Variants in TENM4 observed in about 807,000 individuals in gnomAD.
TENM4 encodes teneurin-4.
Under a neutral mutation model 243.3 loss-of-function variants are expected in TENM4, and 82 were observed. The observed-to-expected ratio is 0.34, with a 90% confidence interval of 0.28 to 0.40. TENM4 has a LOEUF of 0.40. Ranked by LOEUF, TENM4 falls within the 10% of genes least tolerant of loss-of-function variation. The pLI is 1.00. For synonymous variants in TENM4, 1,412 were observed against 1,456.3 expected (o/e 0.97, Z 0.69); for missense variants, 3,138 against 3,673.3 (o/e 0.85, Z 3.77).
At chr11:78,865,107 GGTTA>G (rs1858936373) in intron 9 of TENM4, among the ~76,000 whole-genome samples, 1 of 152,050 alleles carries the variant, frequency 6.6e-6, no homozygotes, top group African/African-American at 2.4e-5. Flanking sequence ...AGGCTCAGAA[GGTTA>G]ATTAAAATTA....
intron 6 of TENM4, among the ~76,000 whole-genome samples, chr11:78,991,369 C>T (rs1462251652): frequency 6.6e-6 from 1 of 151,958 alleles, no homozygotes; most frequent in Non-Finnish European, 1.5e-5. Context: ...AGGTAGGTTA[C>T]TCGAAGGTCT....
chr11:79,299,327 T>G (rs1202155636), intron 1 of TENM4, among the ~76,000 whole-genome samples: 1 of 152,012 alleles, frequency 6.6e-6, no homozygotes, highest in Non-Finnish European at 1.5e-5. Flanking sequence ...GTCACACAGC[T>G]AGTAACTGAA....
chr11:79,411,515 T>A (rs769874567), intron 1 of TENM4, among the ~76,000 whole-genome samples: 5 of 152,200 alleles, frequency 3.3e-5, no homozygotes, highest in Non-Finnish European at 7.3e-5. Flanking sequence ...AAGCCTATGC[T>A]GCACTTAGGC....
chr11:78,997,794 C>T (rs889101758), intron 6 of TENM4, among the ~76,000 whole-genome samples: 3 of 152,150 alleles, frequency 2.0e-5, no homozygotes, highest in African/African-American at 7.2e-5. Context: ...CATGTTGAAG[C>T]CCTACCCATG....
At chr11:79,170,355 G>A (rs181754458) in intron 3 of TENM4, among the ~76,000 whole-genome samples, 86 of 152,266 alleles carry the variant, frequency 5.6e-4, no homozygotes, top group African/African-American at 2.0e-3. Flanking sequence ...CAATAACAGA[G>A]ACTTTCCATA....
intron 3 of TENM4, among the ~76,000 whole-genome samples, chr11:79,164,957 ATGTGTGTGTGTGTGTGTGTG>A (rs369197845): frequency 1.4e-5 from 2 of 139,858 alleles, no homozygotes; most frequent in Non-Finnish European, 3.1e-5. Context: ...CTATATATAT[ATGTGTGTGTGTGTGTGTGTG>A]TGTGTGTGTG....
At chr11:78,928,867 T>C (rs1179854683) in intron 6 of TENM4, among the ~76,000 whole-genome samples, 1 of 152,190 alleles carries the variant, frequency 6.6e-6, no homozygotes, top group Non-Finnish European at 1.5e-5. Context: ...TAAAAGGGAG[T>C]TAATGGCTAC....
At chr11:78,728,991 C>CAG (rs535866603) in intron 22 of TENM4, among the ~76,000 whole-genome samples, 1 of 147,646 alleles carries the variant, frequency 6.8e-6, no homozygotes, top group African/African-American at 2.5e-5. Context: ...TACTGCACCT[C>CAG]AAAAAAAAAA....
At chr11:78,831,751 C>T (rs1156945179) in intron 12 of TENM4, among the ~76,000 whole-genome samples, 2 of 152,162 alleles carry the variant, frequency 1.3e-5, no homozygotes, top group East Asian at 3.9e-4. Context: ...GAGCTGAAGG[C>T]TCAAAGCAGC....
chr11:79,208,981 A>G (rs1485206685), intron 3 of TENM4, among the ~76,000 whole-genome samples: 1 of 152,058 alleles, frequency 6.6e-6, no homozygotes, highest in Non-Finnish European at 1.5e-5. Flanking sequence ...TCGGGCCACT[A>G]CCTCAGTGGC....
chr11:79,440,317 T>C lies in TENM4; in HGVS notation c.-321+192A>G, dbSNP rs1274889136. Among the ~76,000 whole-genome samples, 1 of 151,454 alleles carries C rather than the reference T, an allele frequency of 6.6e-6. No homozygotes were observed. Among genetic ancestry groups the C allele is most frequent in the Non-Finnish European group, 1.5e-5 (1 of 67,840 alleles). On this transcript the variant is annotated intron_variant, in intron 1 of 33. Coordinates refer to ENST00000278550, the MANE Select transcript of TENM4 (RefSeq NM_001098816.3). This position sits in a 1 kb window ranked among gnomAD's most constrained non-coding sequence, Gnocchi z 4.7. ...GCTCCAGGCTCCAGAACAGCTTGCC[T>C]CTTCGGCCACCCGCGCCCTAGCCTC...
At chr11:78,797,427 C>G (rs1270068491) in intron 15 of TENM4, among the ~76,000 whole-genome samples, 1 of 152,182 alleles carries the variant, frequency 6.6e-6, no homozygotes, top group African/African-American at 2.4e-5. Flanking sequence ...TCAGCTTGGG[C>G]ATCCAAATAG....
chr11:78,776,053 T>C (rs1378126077), intron 17 of TENM4, among the ~76,000 whole-genome samples: 1 of 152,154 alleles, frequency 6.6e-6, no homozygotes, highest in Non-Finnish European at 1.5e-5. Flanking sequence ...TCTTGTACTT[T>C]TTTTCTCTCT....
intron 4 of TENM4, among the ~76,000 whole-genome samples, chr11:79,085,684 T>A (rs1860794999): frequency 6.6e-6 from 1 of 152,148 alleles, no homozygotes; most frequent in African/African-American, 2.4e-5. Context: ...CCTGATTCAG[T>A]CCTCACTCAC....
chr11:78,686,585 C>G (rs1341626625), intron 29 of TENM4, among the ~76,000 whole-genome samples: 1 of 152,068 alleles, frequency 6.6e-6, no homozygotes, highest in Non-Finnish European at 1.5e-5. Context: ...GAGCCCTCAA[C>G]CGGTGGGATT....
At chr11:79,347,706 A>G (rs1204246928) in intron 1 of TENM4, among the ~76,000 whole-genome samples, 3 of 151,608 alleles carry the variant, frequency 2.0e-5, no homozygotes, top group Non-Finnish European at 4.4e-5. Flanking sequence ...AAAAACAGGA[A>G]CATGCAGCTG....
At position 78,840,228 on chromosome 11, in the gene TENM4, G is replaced by A. The variant is rs190985190; in HGVS notation, c.1681+13876C>T. Among the ~76,000 whole-genome samples, 588 of 152,236 alleles carry A rather than the reference G, an allele frequency of 3.9e-3. 1 individual carries two copies. Among genetic ancestry groups the A allele is most frequent in the African/African-American group, 0.014 (564 of 41,538 alleles). On this transcript the variant is annotated intron_variant, in intron 12 of 33. Coordinates refer to ENST00000278550, the MANE Select transcript of TENM4 (RefSeq NM_001098816.3). ...AAACTCTATTTGTGGAAAACATCACGTTAGCCTTCTGCTTTAGGTCACAGG... is the reference window on the plus strand; with the variant it reads ...AAACTCTATTTGTGGAAAACATCACATTAGCCTTCTGCTTTAGGTCACAGG...
At chr11:79,254,083 G>A (rs1054227785) in intron 2 of TENM4, among the ~76,000 whole-genome samples, 2 of 152,160 alleles carry the variant, frequency 1.3e-5, no homozygotes, top group African/African-American at 4.8e-5. Flanking sequence ...GTCGATGGGA[G>A]TGTCCACTGG....
chr11:78,893,835 A>C (rs754259338), intron 7 of TENM4, among the ~76,000 whole-genome samples: 2 of 122,626 alleles, frequency 1.6e-5, no homozygotes, highest in Non-Finnish European at 3.4e-5. Context: ...CTGATGAAAA[A>C]TAAAGCAATA....
Sources: gnomAD v4.1 joint callset for allele counts (sites outside exome capture counted in the v4.1 genomes callset) on GRCh38, gnomAD v4.1.1 for gene constraint, Gnocchi (gnomAD v3.1) non-coding constraint, MANE v1.5 for transcripts, NCBI Gene and HGNC (gene_info 2026-07-23, HGNC 2026-07-21) for gene names.